GLT1D1: variants seen among roughly 807,000 people sequenced by gnomAD.
The protein encoded by GLT1D1 is glycosyltransferase 1 domain-containing protein 1.
Under a neutral mutation model 28.7 loss-of-function variants are expected in GLT1D1, and 21 were observed. That is an observed-to-expected ratio of 0.73 (90% CI 0.52 to 1.05). The LOEUF is 1.05. Ranked by LOEUF, GLT1D1 falls within the 50% of genes least tolerant of loss-of-function variation. The pLI is 0.00. For synonymous variants in GLT1D1, 147 were observed against 124.8 expected (o/e 1.18, Z -1.19); for missense variants, 343 against 330.6 (o/e 1.04, Z -0.29).
chr12:128,875,272 T>C (rs59325369), intron 1 of GLT1D1, among the ~76,000 whole-genome samples: 5,151 of 152,282 alleles, frequency 0.034, 283 homozygotes, highest in African/African-American at 0.12. Context: ...CTGTCTGGTA[T>C]GGCAAATGCC....
intron 4 of GLT1D1, among the ~76,000 whole-genome samples, chr12:128,940,102 T>C (rs1875032945): frequency 6.6e-6 from 1 of 152,012 alleles, no homozygotes; most frequent in African/African-American, 2.4e-5. Context: ...AACAGATGTA[T>C]TTTGTATTGG....
At chr12:128,966,938 A>G (rs1035951985) in intron 7 of GLT1D1, among the ~76,000 whole-genome samples, 2 of 152,186 alleles carry the variant, frequency 1.3e-5, no homozygotes, top group Non-Finnish European at 2.9e-5. Flanking sequence ...CTTTACCGCC[A>G]CAATCCTGTT....
intron 4 of GLT1D1, chr12:128,944,628 G>A (rs1456111495): frequency 1.6e-5 from 12 of 735,792 alleles, no homozygotes; most frequent in Non-Finnish European, 2.3e-5. Context: ...TCACTGTGTC[G>A]GTCTGATCAG....
chr12:128,914,080 T>A (rs951582955), intron 4 of GLT1D1, among the ~76,000 whole-genome samples: 2 of 152,214 alleles, frequency 1.3e-5, no homozygotes, highest in Non-Finnish European at 2.9e-5. Flanking sequence ...TTTTATAAAA[T>A]TTCAAAATGT....
chr12:128,920,673 T>C (rs1872582194), intron 4 of GLT1D1, among the ~76,000 whole-genome samples: 1 of 152,238 alleles, frequency 6.6e-6, no homozygotes, highest in Non-Finnish European at 1.5e-5. Context: ...TCATGACTCA[T>C]ACTTGGGAGA....
At chr12:128,926,994 TG>T (rs1836410696) in intron 4 of GLT1D1, 110 bp from the exon 8 acceptor site, 1 of 643,938 alleles carries the variant, frequency 1.6e-6, no homozygotes, top group African/African-American at 1.8e-5. Flanking sequence ...GAAAGCCAAA[TG>T]ATATGAAATA....
intron 4 of GLT1D1, 96 bp downstream of exon 8, chr12:128,927,250 T>C (rs1873320962): frequency 1.0e-6 from 1 of 991,032 alleles, no homozygotes; most frequent in Non-Finnish European, 1.5e-6. Context: ...CTCTTCTTTA[T>C]TTTTTTGAGA....
intron 4 of GLT1D1, among the ~76,000 whole-genome samples, chr12:128,921,194 G>A (rs1445864081): frequency 6.9e-6 from 1 of 144,076 alleles, no homozygotes; most frequent in Admixed American, 6.9e-5. Flanking sequence ...CTTTCTTTTA[G>A]TTTTTTTTTT....
At position 128,922,162 on chromosome 12, in the gene GLT1D1, CTGTGTGTGTGTG is replaced by C. The variant is rs57835879; in HGVS notation, c.375+22895_375+22906del. On this transcript the variant is annotated intron_variant, in intron 4 of 7. Transcript: ENST00000281703. ...AGATCTTTTTCTGACTATGTAAACT[CTGTGTGTGTGTG>C]TGTGTGTGTGTGTGTGTGTATACAC... Among the ~76,000 whole-genome samples, 1,063 of 148,788 alleles carry C rather than the reference CTGTGTGTGTGTG, an allele frequency of 7.1e-3. 12 individuals are homozygous for C. Among genetic ancestry groups the C allele is most frequent in the African/African-American group, 0.025 (1,020 of 40,442 alleles).
chr12:128,876,587 A>AT (rs1271035036), intron 2 of GLT1D1, among the ~76,000 whole-genome samples: 2 of 152,058 alleles, frequency 1.3e-5, no homozygotes, highest in African/African-American at 4.8e-5. Flanking sequence ...AAGTGCTGGG[A>AT]TTGCAGGCAT....
chr12:128,912,409 C>G lies in GLT1D1; in HGVS notation c.375+13122C>G. ...CCAATGTACTTTTCTTTTCTCTCTC[C>G]CCTCCTTTCAAAAGCCGCATGCTAA... On this transcript the variant is annotated intron_variant, in intron 4 of 7. Coordinates refer to ENST00000281703, the MANE Select transcript of GLT1D1 (RefSeq NM_144669.3). 6.6e-7 allele frequency: 1 copy of G among 1,515,840 alleles called. No individual in the cohort carries two copies. Among genetic ancestry groups the G allele is most frequent in the African/African-American group, 1.4e-5 (1 of 72,520 alleles). The allele number at this position is 1,515,840 out of a possible 1,614,324, so 93.9% of individuals were successfully genotyped here. A position where few individuals can be genotyped will look rare whatever the true frequency, so the allele number is the denominator to read the frequency against.
chr12:128,888,199 T>C (rs1868614757), intron 2 of GLT1D1, among the ~76,000 whole-genome samples: 1 of 152,212 alleles, frequency 6.6e-6, no homozygotes, highest in African/African-American at 2.4e-5. Context: ...AGGTTGTCTG[T>C]ACCTCTCTCT....
At chr12:128,950,599 T>C (rs1279294470) in intron 6 of GLT1D1, among the ~76,000 whole-genome samples, 1 of 151,860 alleles carries the variant, frequency 6.6e-6, no homozygotes, top group African/African-American at 2.4e-5. Flanking sequence ...TAAATACAGG[T>C]GATGGTGCCC....
chr12:128,944,893 A>C, intron 4 of GLT1D1: 2 of 425,350 alleles, frequency 4.7e-6, no homozygotes, highest in South Asian at 6.0e-5. Context: ...GGTTTGCTGC[A>C]CCCATCAACT....
At chr12:128,942,749 G>GTTTTTTTT (rs1304773093) in intron 4 of GLT1D1, among the ~76,000 whole-genome samples, 5 of 78,018 alleles carry the variant, frequency 6.4e-5, no homozygotes, top group African/African-American at 2.4e-4. Flanking sequence ...GTTTGTTTTT[G>GTTTTTTTT]TTTTTTGTTT....
At chr12:128,939,845 C>CCCCGCCGCCGATCCAAT (rs1555271974) in intron 4 of GLT1D1, among the ~76,000 whole-genome samples, 1 of 145,362 alleles carries the variant, frequency 6.9e-6, no homozygotes, top group Non-Finnish European at 1.5e-5. Context: ...AAACCCCCCC[C>CCCCGCCGCCGATCCAAT]CACCGCCGAT....
intron 1 of GLT1D1, among the ~76,000 whole-genome samples, chr12:128,858,970 C>T (rs549395873): frequency 3.3e-5 from 5 of 152,252 alleles, no homozygotes; most frequent in African/African-American, 7.2e-5. Flanking sequence ...CCTTCCTCCC[C>T]GCAACCCCCA....
At chr12:128,964,489 G>A (rs1878266944) in intron 7 of GLT1D1, among the ~76,000 whole-genome samples, 1 of 152,192 alleles carries the variant, frequency 6.6e-6, no homozygotes, top group South Asian at 2.1e-4. Flanking sequence ...GTATGAATTT[G>A]AGGAGACACA....
chr12:128,893,373 GTGAATT>G (rs1869286002), intron 3 of GLT1D1, among the ~76,000 whole-genome samples: 1 of 152,110 alleles, frequency 6.6e-6, no homozygotes, highest in Admixed American at 6.6e-5. Context: ...GTTAAACGAG[GTGAATT>G]TGCTGTTTTG....
Sources: gnomAD v4.1 joint callset for allele counts (sites outside exome capture counted in the v4.1 genomes callset) on GRCh38, gnomAD v4.1.1 for gene constraint, MANE v1.5 for transcripts, NCBI Gene and HGNC (gene_info 2026-07-23, HGNC 2026-07-21) for gene names.